Variants in MYT1L observed in about 807,000 individuals in gnomAD.
MYT1L encodes the protein myelin transcription factor 1-like protein.
MYT1L carries 12 observed loss-of-function variants against 126.7 expected under a neutral mutation model. The observed-to-expected ratio is 0.09, with a 90% CI of 0.06 to 0.15. The LOEUF (loss-of-function observed/expected upper bound fraction) is 0.15. Among genes scored for constraint, MYT1L ranks in the 10% least tolerant of loss-of-function variants. The pLI, the probability that MYT1L is intolerant of heterozygous loss-of-function variation, is 1.00. For missense variants in MYT1L, 979 were observed against 1,585.2 expected, an observed-to-expected ratio of 0.62 and a Z score of 6.49; for synonymous variants, 541 against 604.2, an observed-to-expected ratio of 0.90 and a Z score of 1.53.
At chr2:2,065,814 TCTC>T (rs1165016771) in intron 3 of MYT1L, among the ~76,000 whole-genome samples, 2 of 138,828 alleles carry the variant, frequency 1.4e-5, no homozygotes, top group African/African-American at 5.7e-5. Context: ...TATCAATCTC[TCTC>T]TTTTATACAC....
chr2:1,964,500 A>C (rs1447016215), intron 8 of MYT1L, among the ~76,000 whole-genome samples: 3 of 152,232 alleles, frequency 2.0e-5, no homozygotes, highest in Non-Finnish European at 2.9e-5. Flanking sequence ...AGCAACGTGC[A>C]ATAAACAGGG....
rs73913048 is a variant in MYT1L, at chr2:2,048,048, T to C, written c.-158+5930A>G. Among the ~76,000 whole-genome samples the C allele has an allele frequency of 8.5e-3, 1,290 of 152,244 alleles. 19 individuals carry two copies. Among genetic ancestry groups the C allele is most frequent in the African/African-American group, 0.026 (1,079 of 41,538 alleles). Reference sequence around the variant, plus strand: ...TGTCAGACCTTGGACTGTGAGCTTGTTGGAGGCACAGACCCGGCTTTAATG... The same window carrying C: ...TGTCAGACCTTGGACTGTGAGCTTGCTGGAGGCACAGACCCGGCTTTAATG... On this transcript the variant is annotated intron_variant, in intron 4 of 24. Transcript: ENST00000647738.
chr2:2,327,461 T>C (rs1357575201), intron 1 of MYT1L, among the ~76,000 whole-genome samples: 1 of 152,040 alleles, frequency 6.6e-6, no homozygotes, highest in Non-Finnish European at 1.5e-5. Context: ...CTACACAACT[T>C]TTCAAATAAA....
At chr2:2,129,628 C>T (rs547298782) in intron 3 of MYT1L, among the ~76,000 whole-genome samples, 3 of 152,216 alleles carry the variant, frequency 2.0e-5, no homozygotes, top group South Asian at 4.1e-4. Context: ...TTATTTAGGC[C>T]GGGCGCGGTG....
intron 2 of MYT1L, among the ~76,000 whole-genome samples, chr2:2,205,139 G>T: frequency 1.1e-5 from 1 of 87,924 alleles, no homozygotes. Context: ...AGGGGGGAGG[G>T]ATAGCATTAG....
At chr2:1,920,723 T>C (rs997154083) in intron 10 of MYT1L, among the ~76,000 whole-genome samples, 3 of 152,268 alleles carry the variant, frequency 2.0e-5, no homozygotes, top group African/African-American at 7.2e-5. Flanking sequence ...TTCTAATAGA[T>C]AATTTTAGCC....
chr2:1,897,913 C>T (rs139754345), intron 14 of MYT1L, among the ~76,000 whole-genome samples: 5 of 152,278 alleles, frequency 3.3e-5, no homozygotes, highest in Non-Finnish European at 2.9e-5. Context: ...CAGGAGCAGC[C>T]GCTGGATCTT....
intron 1 of MYT1L, chr2:2,305,938 C>A (rs766183489): frequency 1.3e-5 from 2 of 152,206 alleles, no homozygotes; most frequent in Non-Finnish European, 2.9e-5. Flanking sequence ...GTATTACATA[C>A]CAAATGGCTG....
chr2:1,948,813 T>C (rs1241039319), intron 8 of MYT1L, among the ~76,000 whole-genome samples: 3 of 152,208 alleles, frequency 2.0e-5, no homozygotes, highest in Non-Finnish European at 4.4e-5. Flanking sequence ...CCTTTGTATT[T>C]GAACATCATT....
rs183469757 is a variant in MYT1L at position 2,260,394 on chromosome 2, C to T, written c.-421+24010G>A. On this transcript the variant is annotated intron_variant, in intron 2 of 24. Transcript: ENST00000647738. ...TATACAACAACTCTAAGAATTTTTA[C>T]TGTATCTCAAGTGAAAATGACAGGT... 2.9e-3 allele frequency among the ~76,000 whole-genome samples: 439 copies of T among 152,306 alleles called. 2 individuals are homozygous for T. The highest frequency in any genetic ancestry group is 0.01 in the African/African-American group (424 of 41,572).
rs1189120171 is a variant in MYT1L, at chr2:1,848,885, C to T, written c.2774+2756G>A. 6.6e-6 allele frequency among the ~76,000 whole-genome samples: 1 copy of T among 152,190 alleles called. No individual in the cohort carries two copies. The highest frequency in any genetic ancestry group is 1.5e-5 in the Non-Finnish European group (1 of 68,034). ...AAGCTGTTACTAGAACAAGTAACGTCACAAGGTGCTCCACCTTCAGTACGC... is the reference window on the plus strand; with the variant it reads ...AAGCTGTTACTAGAACAAGTAACGTTACAAGGTGCTCCACCTTCAGTACGC... On this transcript the variant is annotated intron_variant, in intron 19 of 24. Coordinates refer to ENST00000647738, the MANE Select transcript of MYT1L (RefSeq NM_001303052.2). This position sits in a 1 kb window ranked among gnomAD's most constrained non-coding sequence, Gnocchi z 4.8.
chr2:1,822,372 A>G (rs190475301), intron 21 of MYT1L, among the ~76,000 whole-genome samples: 2 of 152,344 alleles, frequency 1.3e-5, no homozygotes, highest in East Asian at 1.9e-4. Flanking sequence ...GATGCCTAAT[A>G]AACCCAGTAT....
At chr2:1,952,705 CCT>C in intron 8 of MYT1L, among the ~76,000 whole-genome samples, 1 of 135,144 alleles carries the variant, frequency 7.4e-6, no homozygotes, top group South Asian at 2.6e-4. Context: ...TTCCTTTCTT[CCT>C]TCCCTTCCCT....
chr2:2,214,144 G>C (rs1441969097), intron 2 of MYT1L, among the ~76,000 whole-genome samples: 2 of 151,418 alleles, frequency 1.3e-5, no homozygotes, highest in Non-Finnish European at 2.9e-5. Context: ...ATGAAACAGA[G>C]AGAAAAAAAG....
chr2:2,329,667 T>C (rs916359826), intron 1 of MYT1L, among the ~76,000 whole-genome samples: 3 of 152,174 alleles, frequency 2.0e-5, no homozygotes, highest in African/African-American at 7.2e-5. Flanking sequence ...ATGAAAAGTG[T>C]ATGATAGTAT....
At position 2,007,041 on chromosome 2, in the gene MYT1L, G is replaced by A. The variant is rs1439476949; in HGVS notation, c.-157-9694C>T. On this transcript the variant is annotated intron_variant, in intron 4 of 24. Coordinates refer to ENST00000647738, the MANE Select transcript of MYT1L (RefSeq NM_001303052.2). ...TCTTAAGGCTGAATAATATTTCATTGAAGATATATATATATATATATATCC... is the reference window on the plus strand; with the variant it reads ...TCTTAAGGCTGAATAATATTTCATTAAAGATATATATATATATATATATCC... Among the ~76,000 whole-genome samples, 5 of 148,776 alleles carry A rather than the reference G, an allele frequency of 3.4e-5. No homozygotes were observed. The South Asian group carries it at 1.1e-3, about 32-fold the overall frequency.
At chr2:2,029,636 G>A (rs1229375433) in intron 4 of MYT1L, among the ~76,000 whole-genome samples, 1 of 151,734 alleles carries the variant, frequency 6.6e-6, no homozygotes, top group Non-Finnish European at 1.5e-5. Context: ...ACAGACATCT[G>A]CACACACACA....
chr2:2,099,350 T>A (rs1407989876), intron 3 of MYT1L, among the ~76,000 whole-genome samples: 1 of 152,122 alleles, frequency 6.6e-6, no homozygotes, highest in Non-Finnish European at 1.5e-5. Context: ...ATTTGTTTTT[T>A]TTTTTTCTCA....
At chr2:1,961,491 G>C (rs1390416698) in intron 8 of MYT1L, among the ~76,000 whole-genome samples, 1 of 152,164 alleles carries the variant, frequency 6.6e-6, no homozygotes, top group Non-Finnish European at 1.5e-5. Flanking sequence ...GTCTAAAGCA[G>C]TTCTTGCTCA....
Sources: gnomAD v4.1 joint callset for allele counts (sites outside exome capture counted in the v4.1 genomes callset) on GRCh38, gnomAD v4.1.1 for gene constraint, Gnocchi (gnomAD v3.1) non-coding constraint, MANE v1.5 for transcripts, NCBI Gene and HGNC (gene_info 2026-07-23, HGNC 2026-07-21) for gene names.